SMKR1: variants seen among roughly 807,000 people sequenced by gnomAD.
The protein encoded by SMKR1 is small lysine-rich protein 1.
Under a neutral mutation model 4.0 loss-of-function variants are expected in SMKR1, and 4 were observed. The observed-to-expected ratio is 1.00, with a 90% CI of 0.49 to 2.30. The LOEUF (loss-of-function observed/expected upper bound fraction) is 2.30, where lower values mean the gene tolerates loss of function less well. SMKR1 is among the 30% of genes most tolerant of loss of function. SMKR1 has a pLI of 0.02. For missense variants in SMKR1, 56 were observed against 81.8 expected (o/e 0.68, Z 1.22); for synonymous variants, 38 against 32.5 (o/e 1.17, Z -0.58).
Position 129,502,753 on chromosome 7 carries a change from G to A in SMKR1, c.-72G>A. ...TAGGGGAACGGGCGCTGGGGGCAGC[G>A]GCCCCGGTGGATGCTAAGGGCTTCG... On this transcript the variant is annotated 5_prime_UTR_variant, in exon 1 of 2. Coordinates refer to ENST00000462322, the MANE Select transcript of SMKR1 (RefSeq NM_001195243.2). 9 of 1,533,402 alleles carry A rather than the reference G, an allele frequency of 5.9e-6. No homozygotes were observed. The highest frequency in any genetic ancestry group is 7.9e-6 in the Non-Finnish European group (9 of 1,145,500). 95.0% of individuals were successfully genotyped at this position (1,533,402 alleles called of 1,614,324 possible).
intron 1 of SMKR1, among the ~76,000 whole-genome samples, chr7:129,510,438 A>G (rs920580557): frequency 1.3e-5 from 2 of 152,226 alleles, no homozygotes; most frequent in Non-Finnish European, 2.9e-5. Context: ...GGTGGTGTTA[A>G]AGATGATGGC....
intron 1 of SMKR1, among the ~76,000 whole-genome samples, chr7:129,503,124 T>C (rs2151026590): frequency 6.6e-6 from 1 of 151,822 alleles, no homozygotes; most frequent in East Asian, 1.9e-4. Flanking sequence ...GTGTGGCACG[T>C]CAGGGCGCCA....
In SMKR1 at chr7:129,512,631, C is replaced by A; in HGVS notation, c.*190C>A. 3 of 618,016 alleles carry A rather than the reference C, an allele frequency of 4.9e-6. No individual in the cohort carries two copies. The highest frequency in any genetic ancestry group is 7.8e-6 in the Non-Finnish European group (3 of 385,414). 38.3% of individuals were successfully genotyped at this position (618,016 alleles called of 1,614,324 possible). On this transcript the variant is annotated 3_prime_UTR_variant, in exon 2 of 2. Coordinates refer to ENST00000462322, the MANE Select transcript of SMKR1 (RefSeq NM_001195243.2). ...CCTCTGTTATGCCAGATATGGTTAG[C>A]CACTTTGGTTTTTTAGGAGCTATAG...
At chr7:129,504,478 C>T (rs1240393360) in intron 1 of SMKR1, among the ~76,000 whole-genome samples, 3 of 152,188 alleles carry the variant, frequency 2.0e-5, no homozygotes, top group Admixed American at 6.5e-5. Context: ...TGAGGTCAGC[C>T]CTTGCCCATC....
At chr7:129,505,662 A>G (rs1020529574) in intron 1 of SMKR1, among the ~76,000 whole-genome samples, 13 of 151,792 alleles carry the variant, frequency 8.6e-5, no homozygotes, top group Non-Finnish European at 1.8e-4. Flanking sequence ...TTGTATTTTT[A>G]GTAGAGATGG....
intron 1 of SMKR1, among the ~76,000 whole-genome samples, chr7:129,508,893 A>G (rs1799495751): frequency 6.6e-6 from 1 of 152,278 alleles, no homozygotes; most frequent in Non-Finnish European, 1.5e-5. Context: ...TTTTACAATA[A>G]GATGAGAACT....
At chr7:129,503,864 G>A (rs775645391) in intron 1 of SMKR1, among the ~76,000 whole-genome samples, 9 of 81,232 alleles carry the variant, frequency 1.1e-4, no homozygotes, top group Non-Finnish European at 1.9e-4. Flanking sequence ...GTCTTACTTT[G>A]TCACACAGGC....
chr7:129,507,425 C>T (rs1799481499), intron 1 of SMKR1, among the ~76,000 whole-genome samples: 1 of 152,038 alleles, frequency 6.6e-6, no homozygotes, highest in South Asian at 2.1e-4. Flanking sequence ...GCTGAGATGA[C>T]AGGCATGAGC....
Position 129,502,715 on chromosome 7 carries a change from G to A in SMKR1, c.-110G>A. ...CGGTTCCCTGAGGAGGGCCGAGAAG[G>A]GGCCGGGGGTGCTAGGGGAACGGGC... On this transcript the variant is annotated 5_prime_UTR_variant, in exon 1 of 2. Coordinates refer to ENST00000462322, the MANE Select transcript of SMKR1 (RefSeq NM_001195243.2). 6.7e-7 allele frequency: 1 copy of A among 1,497,490 alleles called. No homozygotes were observed. The highest frequency in any genetic ancestry group is 1.4e-5 in the African/African-American group (1 of 70,708). 92.8% of individuals were successfully genotyped at this position (1,497,490 alleles called of 1,614,324 possible).
intron 1 of SMKR1, among the ~76,000 whole-genome samples, chr7:129,504,406 T>C (rs1388056009): frequency 2.0e-5 from 3 of 152,264 alleles, no homozygotes; most frequent in Admixed American, 2.0e-4. Context: ...CTGTTGGTCT[T>C]GGAATTCCCT....
chr7:129,504,374 G>A (rs904078544), intron 1 of SMKR1, among the ~76,000 whole-genome samples: 9 of 152,084 alleles, frequency 5.9e-5, no homozygotes, highest in African/African-American at 2.2e-4. Flanking sequence ...CCTTCTCTCC[G>A]GCTTCAGAGA....
At chr7:129,503,854 G>A (rs1417977671) in intron 1 of SMKR1, among the ~76,000 whole-genome samples, 1 of 147,778 alleles carries the variant, frequency 6.8e-6, no homozygotes, top group Non-Finnish European at 1.5e-5. Flanking sequence ...TTTTGACAGG[G>A]TCTTACTTTG....
intron 1 of SMKR1, among the ~76,000 whole-genome samples, chr7:129,511,548 CAA>C (rs1799526680): frequency 6.6e-6 from 1 of 152,202 alleles, no homozygotes; most frequent in African/African-American, 2.4e-5. Context: ...CTGATTAACT[CAA>C]AGACATCTTT....
chr7:129,510,410 A>G (rs1799513695), intron 1 of SMKR1, among the ~76,000 whole-genome samples: 1 of 152,186 alleles, frequency 6.6e-6, no homozygotes, highest in African/African-American at 2.4e-5. Flanking sequence ...AATACATAGA[A>G]ATACAGCTCT....
chr7:129,504,918 C>A (rs1799449758), intron 1 of SMKR1, among the ~76,000 whole-genome samples: 1 of 152,194 alleles, frequency 6.6e-6, no homozygotes, highest in Non-Finnish European at 1.5e-5. Flanking sequence ...CTAGTGTCTT[C>A]CTCAGACCTC....
At position 129,512,666 on chromosome 7, in the gene SMKR1, AGCC is replaced by A; in HGVS notation, c.*226_*228del. The A allele has an allele frequency of 2.1e-6, 1 of 484,682 alleles. No individual in the cohort carries two copies. Among genetic ancestry groups the A allele is most frequent in the Non-Finnish European group, 3.6e-6 (1 of 278,334 alleles). The allele number at this position is 484,682 out of a possible 1,614,324, so 30.0% of individuals were successfully genotyped here. A position where few individuals can be genotyped will look rare whatever the true frequency, so the allele number is the denominator to read the frequency against. On this transcript the variant is annotated 3_prime_UTR_variant, in exon 2 of 2. Coordinates refer to ENST00000462322, the MANE Select transcript of SMKR1 (RefSeq NM_001195243.2). ...TTTTTAGGAGCTATAGGATGGGAAA[AGCC>A]TGAGTAATTCCTACACAGTGTGCTG...
At chr7:129,509,660 C>T (rs960167385) in intron 1 of SMKR1, among the ~76,000 whole-genome samples, 6 of 152,218 alleles carry the variant, frequency 3.9e-5, no homozygotes, top group Admixed American at 1.3e-4. Flanking sequence ...CCTGCCTCAG[C>T]CTCCTAAGTA....
chr7:129,503,891 GAT>G (rs1281822359), intron 1 of SMKR1, among the ~76,000 whole-genome samples: 2 of 140,100 alleles, frequency 1.4e-5, no homozygotes, highest in Non-Finnish European at 3.0e-5. Context: ...ACAGTGGTGT[GAT>G]CACAGCTGAC....
At position 129,512,524 on chromosome 7, in the gene SMKR1, T is replaced by C. The variant is rs1799538187; in HGVS notation, c.*83T>C. 2.2e-6 allele frequency: 3 copies of C among 1,334,438 alleles called. No individual in the cohort carries two copies. The highest frequency in any genetic ancestry group is 1.6e-5 in the South Asian group (1 of 64,260). 82.7% of individuals were successfully genotyped at this position (1,334,438 alleles called of 1,614,324 possible). On this transcript the variant is annotated 3_prime_UTR_variant, in exon 2 of 2. Coordinates refer to ENST00000462322, the MANE Select transcript of SMKR1 (RefSeq NM_001195243.2). The stretch of plus-strand genomic sequence containing the variant: ...GATAACACAACTGTTGCCAGCAACA[T>C]AGACTTTACTCCAGACGACTTGAGA...
Sources: allele counts gnomAD v4.1 joint callset (sites outside exome capture counted in the v4.1 genomes callset), GRCh38; gene constraint gnomAD v4.1.1; transcripts MANE v1.5; gene names NCBI Gene and HGNC (gene_info 2026-07-23, HGNC 2026-07-21).